The following UNC13C variants were observed in gnomAD, a reference collection of about 807,000 sequenced individuals.
UNC13C encodes unc-13 homolog C, also known as protein unc-13 homolog C.
A neutral mutation model predicts 245.4 loss-of-function variants in UNC13C; 174 were observed. The observed-to-expected ratio is 0.71, with a 90% CI of 0.63 to 0.80. UNC13C has a LOEUF of 0.80. UNC13C is among the 30% of genes least tolerant of loss of function. The probability of loss-of-function intolerance (pLI) is 0.00; values close to 1 mark genes in which losing one functional copy is unlikely to be tolerated. For synonymous variants in UNC13C, 992 were observed against 895.1 expected, an observed-to-expected ratio of 1.11 and a Z score of -1.93; for missense variants, 2,829 against 2,602.9, an observed-to-expected ratio of 1.09 and a Z score of -1.89.
intron 2 of UNC13C, among the ~76,000 whole-genome samples, chr15:54,016,822 A>G (rs1895681450): frequency 6.6e-6 from 1 of 152,198 alleles, no homozygotes; most frequent in Non-Finnish European, 1.5e-5. Flanking sequence ...TGAATTGCAT[A>G]TTATTATTAT....
chr15:54,607,928 A>G (rs138788337), intron 30 of UNC13C, among the ~76,000 whole-genome samples: 5 of 152,204 alleles, frequency 3.3e-5, no homozygotes, highest in Non-Finnish European at 5.9e-5. Context: ...GAACCAAACC[A>G]TATCAGACAA....
At chr15:53,970,085 T>A in the UNC13C span, among the ~76,000 whole-genome samples, 1 of 151,966 alleles carries the variant, frequency 6.6e-6, no homozygotes, top group African/African-American at 2.4e-5. Flanking sequence ...AGTTTCACTC[T>A]TGTTGCCCAG....
chr15:53,961,449 T>C, the UNC13C span, among the ~76,000 whole-genome samples: 323 of 152,320 alleles, frequency 2.1e-3, 2 homozygotes, highest in African/African-American at 7.4e-3. Flanking sequence ...ATGTACACAC[T>C]GTCATTATGA....
chr15:54,224,902 A>G (rs1042647304), intron 4 of UNC13C, among the ~76,000 whole-genome samples: 6 of 151,946 alleles, frequency 3.9e-5, no homozygotes, highest in Non-Finnish European at 4.4e-5. Flanking sequence ...GTAATTTATT[A>G]ATTTCTTCTA....
chr15:54,632,095 T>C (rs1596721745), downstream of UNC13C: 1 of 152,350 alleles, frequency 6.6e-6, no homozygotes, highest in Non-Finnish European at 1.5e-5. Flanking sequence ...ACTAATAACA[T>C]TGAGTATCTC....
In UNC13C at chr15:54,250,159, T is replaced by C. The variant is rs2036105649; in HGVS notation, c.3229-66T>C. ...AGAGAAAAGTGATAAAATGGTTTGTTTTATTTTGAAACAATTCAAATCCAC... is the reference window on the plus strand; with the variant it reads ...AGAGAAAAGTGATAAAATGGTTTGTCTTATTTTGAAACAATTCAAATCCAC... On this transcript the variant is annotated intron_variant, in intron 7 of 32. Coordinates refer to ENST00000260323, the MANE Select transcript of UNC13C (RefSeq NM_001080534.3). The C allele has an allele frequency of 3.4e-6, 5 of 1,479,840 alleles. No homozygotes were observed. The Admixed American group carries it at 8.9e-5, about 26-fold the overall frequency. 91.7% of individuals were successfully genotyped at this position (1,479,840 alleles called of 1,614,324 possible). A position where few individuals can be genotyped will look rare whatever the true frequency, so the allele number is the denominator to read the frequency against.
chr15:54,244,618 T>C (rs75694202), intron 7 of UNC13C, among the ~76,000 whole-genome samples: 3,861 of 152,246 alleles, frequency 0.025, 161 homozygotes, highest in African/African-American at 0.088. Context: ...GAATGTTTTT[T>C]GATTTGTTTG....
chr15:54,058,300 A>T (rs565063154), intron 2 of UNC13C, among the ~76,000 whole-genome samples: 2 of 152,360 alleles, frequency 1.3e-5, no homozygotes, highest in East Asian at 1.9e-4. Context: ...ATCCCACAGA[A>T]ATACAAACTA....
intron 2 of UNC13C, among the ~76,000 whole-genome samples, chr15:54,109,435 A>G (rs1449426697): frequency 2.1e-5 from 3 of 144,810 alleles, no homozygotes; most frequent in Non-Finnish European, 4.5e-5. Context: ...TCCACCTCCC[A>G]GGTTCATGCC....
intron 8 of UNC13C, among the ~76,000 whole-genome samples, chr15:54,255,152 C>T (rs1005643125): frequency 6.6e-6 from 1 of 152,116 alleles, no homozygotes; most frequent in African/African-American, 2.4e-5. Flanking sequence ...ACAGGGTGCT[C>T]TTTAAGTTTA....
At position 54,227,165 on chromosome 15, in the gene UNC13C, G is replaced by A. The variant is rs572985004; in HGVS notation, c.3072-7865G>A. On this transcript the variant is annotated intron_variant, in intron 4 of 32. Coordinates refer to ENST00000260323, the MANE Select transcript of UNC13C (RefSeq NM_001080534.3). ...CAAAGTGGGTAGCTCCTTTCCTCAG[G>A]CAGATCGTTCTTATTTCTGTTTAAG... 2.2e-4 allele frequency among the ~76,000 whole-genome samples: 33 copies of A among 152,206 alleles called. 1 individual carries two copies. The highest frequency in any genetic ancestry group is 2.1e-4 in the South Asian group (1 of 4,820).
chr15:54,457,858 T>C (rs1404209265), intron 19 of UNC13C, among the ~76,000 whole-genome samples: 1 of 151,718 alleles, frequency 6.6e-6, no homozygotes, highest in Admixed American at 6.6e-5. Flanking sequence ...TCTATTTTTT[T>C]GTTTCAATTT....
At chr15:54,175,796 T>G (rs748784287) in intron 4 of UNC13C, among the ~76,000 whole-genome samples, 27 of 152,128 alleles carry the variant, frequency 1.8e-4, no homozygotes, top group Admixed American at 1.6e-3. Context: ...TTCAGACTCA[T>G]GAGGAGTGGA....
chr15:53,901,880 A>T, the UNC13C span, among the ~76,000 whole-genome samples: 3 of 152,270 alleles, frequency 2.0e-5, no homozygotes, highest in Admixed American at 1.3e-4. Context: ...AGTCTCTCTT[A>T]TCTCTGACTT....
intron 4 of UNC13C, among the ~76,000 whole-genome samples, chr15:54,215,132 A>G (rs949347170): frequency 6.6e-6 from 1 of 151,808 alleles, no homozygotes; most frequent in Non-Finnish European, 1.5e-5. Context: ...TATTTGACAA[A>G]CAATGTGTAA....
the UNC13C span, among the ~76,000 whole-genome samples, chr15:53,885,453 A>T: frequency 2.0e-5 from 3 of 152,258 alleles, no homozygotes; most frequent in East Asian, 5.8e-4. Context: ...GCCAAGAAAA[A>T]TCTCAACAGA....
chr15:54,384,987 A>T (rs2039806289), intron 17 of UNC13C, among the ~76,000 whole-genome samples: 1 of 152,176 alleles, frequency 6.6e-6, no homozygotes, highest in Admixed American at 6.6e-5. Flanking sequence ...TAGAATGGCT[A>T]TAATTTTTAA....
At chr15:53,865,843 C>T in the UNC13C span, among the ~76,000 whole-genome samples, 1 of 151,802 alleles carries the variant, frequency 6.6e-6, no homozygotes, top group Non-Finnish European at 1.5e-5. Context: ...AAATTGGCTC[C>T]AGTTAAATGT....
chr15:53,882,901 G>A, the UNC13C span, among the ~76,000 whole-genome samples: 2 of 152,132 alleles, frequency 1.3e-5, no homozygotes, highest in African/African-American at 4.8e-5. Context: ...ATCAGAGGGT[G>A]GAAGGTAGGA....
Sources: gnomAD v4.1 joint callset for allele counts (sites outside exome capture counted in the v4.1 genomes callset) on GRCh38, gnomAD v4.1.1 for gene constraint, MANE v1.5 for transcripts, NCBI Gene and HGNC (gene_info 2026-07-23, HGNC 2026-07-21) for gene names.